The following DPYD variants were observed in gnomAD, a reference collection of about 807,000 sequenced individuals.
The protein encoded by DPYD is dihydropyrimidine dehydrogenase.
A neutral mutation model predicts 116.2 loss-of-function variants in DPYD; 109 were observed. The ratio of observed to expected loss-of-function variants is 0.94; its 90% CI spans 0.80 to 1.10. The LOEUF (loss-of-function observed/expected upper bound fraction) is 1.10. Among genes scored for constraint, DPYD ranks in the 50% least tolerant of loss-of-function variants. DPYD has a pLI of 0.00. For synonymous variants in DPYD, 440 were observed against 432.0 expected (o/e 1.02, Z -0.23); for missense variants, 1,302 against 1,254.5 (o/e 1.04, Z -0.57).
chr1:97,594,342 T>C (rs1654729318), intron 9 of DPYD, among the ~76,000 whole-genome samples: 1 of 152,062 alleles, frequency 6.6e-6, no homozygotes, highest in Non-Finnish European at 1.5e-5. Context: ...AGGCAGAAGG[T>C]GGAGAGGGTA....
intron 20 of DPYD, among the ~76,000 whole-genome samples, chr1:97,112,970 T>C (rs907956400): frequency 4.6e-5 from 7 of 152,184 alleles, no homozygotes; most frequent in African/African-American, 1.7e-4. Flanking sequence ...TTAAGGAATG[T>C]ATTTAAAATA....
intron 2 of DPYD, among the ~76,000 whole-genome samples, chr1:97,844,893 G>A (rs539344518): frequency 1.8e-4 from 28 of 152,300 alleles, no homozygotes; most frequent in Non-Finnish European, 3.8e-4. Flanking sequence ...TCTGATTTTG[G>A]AGCAAAGTTG....
intron 1 of DPYD, among the ~76,000 whole-genome samples, chr1:97,915,734 C>G (rs191973895): frequency 6.6e-6 from 1 of 152,166 alleles, no homozygotes; most frequent in African/African-American, 2.4e-5. Flanking sequence ...ATTTTCTTTA[C>G]AGTTTTAAGG....
At position 97,627,494 on chromosome 1, in the gene DPYD, A is replaced by C. The variant is rs555786260; in HGVS notation, c.851-32328T>G. Among the ~76,000 whole-genome samples the C allele has an allele frequency of 3.3e-5, 5 of 152,170 alleles. No homozygotes were observed. In the East Asian group the frequency reaches 9.7e-4, roughly 29 times the overall value. On this transcript the variant is annotated intron_variant, in intron 8 of 22. Coordinates refer to ENST00000370192, the MANE Select transcript of DPYD (RefSeq NM_000110.4). ...TCACTCTGTTTCAGGTATTTTCCCT[A>C]TATCACCCTCCTGCTCTGCAATTCC...
At chr1:97,557,813 A>T (rs184990788) in intron 11 of DPYD, among the ~76,000 whole-genome samples, 2 of 152,332 alleles carry the variant, frequency 1.3e-5, no homozygotes, top group East Asian at 3.9e-4. Flanking sequence ...ATAATCAATC[A>T]GCACTTATGG....
At chr1:97,624,896 C>T (rs985357243) in intron 8 of DPYD, among the ~76,000 whole-genome samples, 1 of 151,978 alleles carries the variant, frequency 6.6e-6, no homozygotes, top group South Asian at 2.1e-4. Context: ...ACTTGGATGT[C>T]GAATCTGAAA....
intron 1 of DPYD, among the ~76,000 whole-genome samples, chr1:97,887,082 A>G (rs1287037553): frequency 6.6e-6 from 1 of 152,068 alleles, no homozygotes; most frequent in Non-Finnish European, 1.5e-5. Flanking sequence ...GAGACACCTG[A>G]TAAAACCAGG....
At chr1:97,290,513 G>A (rs1162963089) in intron 18 of DPYD, among the ~76,000 whole-genome samples, 1 of 151,964 alleles carries the variant, frequency 6.6e-6, no homozygotes. Context: ...ACAGAACAGA[G>A]CCCTCAGAAA....
At chr1:97,429,724 C>T (rs1423037226) in intron 14 of DPYD, among the ~76,000 whole-genome samples, 2 of 152,050 alleles carry the variant, frequency 1.3e-5, no homozygotes, top group Non-Finnish European at 1.5e-5. Context: ...AAACAAGTAG[C>T]TTCTACTAAC....
At chr1:97,881,935 C>T (rs1011452483) in intron 2 of DPYD, among the ~76,000 whole-genome samples, 16 of 151,192 alleles carry the variant, frequency 1.1e-4, no homozygotes, top group Non-Finnish European at 2.2e-4. Context: ...TGCAGCACAC[C>T]AGCACATGGC....
intron 14 of DPYD, among the ~76,000 whole-genome samples, chr1:97,441,380 A>G (rs904534264): frequency 1.3e-5 from 2 of 151,850 alleles, no homozygotes; most frequent in African/African-American, 4.8e-5. Context: ...TGGTATGTTT[A>G]CTTCTCTCTC....
chr1:97,782,627 C>T (rs1490115986), intron 3 of DPYD, among the ~76,000 whole-genome samples: 1 of 152,078 alleles, frequency 6.6e-6, no homozygotes, highest in Non-Finnish European at 1.5e-5. Context: ...TCAGTAAAAG[C>T]ACAGAAAGTA....
At chr1:97,368,592 T>C (rs2101482746) in intron 16 of DPYD, among the ~76,000 whole-genome samples, 1 of 152,302 alleles carries the variant, frequency 6.6e-6, no homozygotes, top group Non-Finnish European at 1.5e-5. Flanking sequence ...CCTGGGCAAC[T>C]ATTTTTCTTT....
At chr1:97,258,708 G>C (rs1663676471) in intron 18 of DPYD, among the ~76,000 whole-genome samples, 3 of 152,168 alleles carry the variant, frequency 2.0e-5, no homozygotes. Context: ...GTTTCTTACA[G>C]AAGTGAGAGG....
chr1:97,604,261 T>G (rs1042892425), intron 8 of DPYD, among the ~76,000 whole-genome samples: 1 of 152,142 alleles, frequency 6.6e-6, no homozygotes, highest in Non-Finnish European at 1.5e-5. Flanking sequence ...AATTAAACTT[T>G]AAGCCTCAGT....
Position 97,079,006 on chromosome 1 carries a change from G to A in DPYD, c.3048C>T (p.Gly1016=), listed in dbSNP as rs545959800. ...SRTTPYEPKR[G]VPLSVNPVC Reference sequence around the variant, plus strand: ...ACACCGGATTCACAGATAAGGGTACGCCTCTCTTTGGTTCATAAGGTGTTG... The same window carrying A: ...ACACCGGATTCACAGATAAGGGTACACCTCTCTTTGGTTCATAAGGTGTTG... Residue 1016 remains glycine, a synonymous_variant, in exon 23 of 23, where the codon GGC becomes GGT. Transcript: ENST00000370192. 7.4e-6 allele frequency: 12 copies of A among 1,613,652 alleles called. No homozygotes were observed. The highest frequency in any genetic ancestry group is 2.2e-5 in the East Asian group (1 of 44,872).
At position 97,252,262 on chromosome 1, in the gene DPYD, T is replaced by C. The variant is rs540519214; in HGVS notation, c.2300-17268A>G. On this transcript the variant is annotated intron_variant, in intron 18 of 22. Coordinates refer to ENST00000370192, the MANE Select transcript of DPYD (RefSeq NM_000110.4). ...ATGGATATGCAGGCAAATTGGCCAG[T>C]GTGCAACCCTGGATGACTCAACTTA... is the stretch of plus-strand genomic sequence containing the variant. 2.0e-5 allele frequency among the ~76,000 whole-genome samples: 3 copies of C among 152,344 alleles called. No individual in the cohort carries two copies. The South Asian group carries it at 6.2e-4, about 32-fold the overall frequency.
chr1:97,475,045 A>G (rs1161846950), intron 13 of DPYD, among the ~76,000 whole-genome samples: 1 of 152,164 alleles, frequency 6.6e-6, no homozygotes, highest in East Asian at 1.9e-4. Flanking sequence ...CGTAATAAAA[A>G]TCAGTAATTT....
chr1:97,445,558 C>T (rs1676029885), intron 14 of DPYD, among the ~76,000 whole-genome samples: 1 of 152,086 alleles, frequency 6.6e-6, no homozygotes, highest in Non-Finnish European at 1.5e-5. Flanking sequence ...CATAGCTTCT[C>T]CTATAACCTA....
Sources: allele counts gnomAD v4.1 joint callset (sites outside exome capture counted in the v4.1 genomes callset), GRCh38; gene constraint gnomAD v4.1.1; transcripts MANE v1.5; gene names NCBI Gene and HGNC (gene_info 2026-07-23, HGNC 2026-07-21).